The following FHOD3 variants were observed in gnomAD, a reference collection of about 807,000 sequenced individuals.
FHOD3 encodes formin homology 2 domain containing 3.
In FHOD3, 90 loss-of-function variants were observed where a neutral mutation model predicts 173.0. The ratio of observed to expected loss-of-function variants is 0.52; its 90% CI spans 0.44 to 0.62. FHOD3 has a LOEUF of 0.62. Among genes scored for constraint, FHOD3 ranks in the 20% least tolerant of loss-of-function variants. The probability of loss-of-function intolerance (pLI) is 0.00; values close to 1 mark genes in which losing one functional copy is unlikely to be tolerated. For missense variants in FHOD3, 1,945 were observed against 2,034.7 expected, an observed-to-expected ratio of 0.96 and a Z score of 0.85; for synonymous variants, 828 against 823.0, an observed-to-expected ratio of 1.01 and a Z score of -0.10.
chr18:36,532,678 T>C (rs920246227), intron 5 of FHOD3, among the ~76,000 whole-genome samples: 6 of 152,194 alleles, frequency 3.9e-5, no homozygotes, highest in African/African-American at 1.4e-4. Flanking sequence ...AGTTACCACG[T>C]GTTGTTCCAC....
chr18:36,601,978 C>G (rs2031450062), intron 7 of FHOD3, among the ~76,000 whole-genome samples: 1 of 152,170 alleles, frequency 6.6e-6, no homozygotes, highest in Admixed American at 6.5e-5. Context: ...TGTGCCAAGT[C>G]CCCTGCAGTC....
intron 3 of FHOD3, among the ~76,000 whole-genome samples, chr18:36,463,644 C>T (rs2052724937): frequency 6.6e-6 from 1 of 151,896 alleles, no homozygotes; most frequent in South Asian, 2.1e-4. Context: ...TACAGGTGTG[C>T]ACCACCATGC....
chr18:36,404,014 T>C (rs2048943492), intron 3 of FHOD3, among the ~76,000 whole-genome samples: 1 of 151,952 alleles, frequency 6.6e-6, no homozygotes. Context: ...AGCAGGGAGG[T>C]TTTGATATCC....
chr18:36,406,368 C>T (rs2049066527), intron 3 of FHOD3, among the ~76,000 whole-genome samples: 1 of 152,160 alleles, frequency 6.6e-6, no homozygotes, highest in African/African-American at 2.4e-5. Context: ...TTTTTGAGAG[C>T]TAGATTTTAT....
intron 3 of FHOD3, among the ~76,000 whole-genome samples, chr18:36,469,243 G>A (rs1178176981): frequency 1.3e-5 from 2 of 152,192 alleles, no homozygotes; most frequent in African/African-American, 4.8e-5. Flanking sequence ...CTCAGGGCCA[G>A]ATGATTACTG....
At chr18:36,579,169 G>T (rs1220813358) in intron 6 of FHOD3, among the ~76,000 whole-genome samples, 1 of 152,128 alleles carries the variant, frequency 6.6e-6, no homozygotes, top group Non-Finnish European at 1.5e-5. Context: ...TTTGGAACCT[G>T]CTCCCTCCCC....
chr18:36,520,943 GGT>G (rs1403592346), intron 5 of FHOD3, among the ~76,000 whole-genome samples: 1 of 152,188 alleles, frequency 6.6e-6, no homozygotes, highest in Non-Finnish European at 1.5e-5. Flanking sequence ...CTGCTGGCTA[GGT>G]GTGCCTTGAA....
chr18:36,625,012 T>C (rs565906595), intron 9 of FHOD3, among the ~76,000 whole-genome samples: 2 of 152,296 alleles, frequency 1.3e-5, no homozygotes, highest in African/African-American at 2.4e-5. Context: ...GAAAGATTTA[T>C]GGGTGAGGCC....
intron 28 of FHOD3, among the ~76,000 whole-genome samples, chr18:36,769,830 GC>G (rs1463349735): frequency 2.5e-4 from 38 of 152,134 alleles, no homozygotes; most frequent in Non-Finnish European, 5.9e-5. Flanking sequence ...CGCTTGTGGG[GC>G]TGGAGACTGG....
chr18:36,328,363 TGG>T (rs2044785882), intron 1 of FHOD3, among the ~76,000 whole-genome samples: 1 of 151,218 alleles, frequency 6.6e-6, no homozygotes, highest in South Asian at 2.1e-4. Flanking sequence ...GCTTTCTGGG[TGG>T]GGGGAACAGC....
At chr18:36,360,172 G>C (rs998036370) in intron 2 of FHOD3, among the ~76,000 whole-genome samples, 2 of 152,200 alleles carry the variant, frequency 1.3e-5, no homozygotes, top group Non-Finnish European at 2.9e-5. Context: ...AAGCCCTGGA[G>C]GATATGGTGG....
rs552912518 is a variant in FHOD3, at chr18:36,505,949, AC to A, written c.405+3952del. On this transcript the variant is annotated intron_variant, in intron 4 of 28. Coordinates refer to ENST00000590592, the MANE Select transcript of FHOD3 (RefSeq NM_001281740.3). Reference sequence around the variant, plus strand: ...ACTATTTTAAAAGAGTGCATTTCTTACCATTCCATTATTATGCTAACAAAAA... The same window carrying A: ...ACTATTTTAAAAGAGTGCATTTCTTACATTCCATTATTATGCTAACAAAAA... Among the ~76,000 whole-genome samples, 356 of 152,340 alleles carry A rather than the reference AC, an allele frequency of 2.3e-3. 2 individuals carry two copies. Among genetic ancestry groups the A allele is most frequent in the African/African-American group, 8.4e-3 (348 of 41,590 alleles).
chr18:36,700,704 C>T (rs62083165), intron 17 of FHOD3, among the ~76,000 whole-genome samples: 188 of 152,292 alleles, frequency 1.2e-3, no homozygotes, highest in South Asian at 3.3e-3. Flanking sequence ...TTAAAATTAT[C>T]GGGTGGCTCT....
At chr18:36,382,364 A>T (rs2047834543) in intron 3 of FHOD3, among the ~76,000 whole-genome samples, 1 of 152,200 alleles carries the variant, frequency 6.6e-6, no homozygotes, top group Non-Finnish European at 1.5e-5. Flanking sequence ...TCGAGGCCCA[A>T]TAACGAGAAG....
intron 10 of FHOD3, among the ~76,000 whole-genome samples, chr18:36,645,252 C>T (rs962123413): frequency 3.3e-5 from 5 of 152,084 alleles, no homozygotes; most frequent in African/African-American, 1.2e-4. Context: ...AAAAACTCAT[C>T]TCTACTAAAA....
chr18:36,516,910 T>A (rs2056015618), intron 5 of FHOD3, among the ~76,000 whole-genome samples: 1 of 152,082 alleles, frequency 6.6e-6, no homozygotes, highest in African/African-American at 2.4e-5. Flanking sequence ...CAAAAGCATG[T>A]GGAGAATCCA....
At chr18:36,675,287 TCTC>T in intron 14 of FHOD3, among the ~76,000 whole-genome samples, 1 of 152,042 alleles carries the variant, frequency 6.6e-6, no homozygotes, top group African/African-American at 2.4e-5. Flanking sequence ...TTCCACGTGG[TCTC>T]CTCTGTTCCT....
rs7243126 is a variant in FHOD3, at chr18:36,664,165, A to G, written c.1835+5977A>G. Among the ~76,000 whole-genome samples, 506 of 152,348 alleles carry G rather than the reference A, an allele frequency of 3.3e-3. 3 individuals are homozygous for G. Among genetic ancestry groups the G allele is most frequent in the African/African-American group, 0.012 (483 of 41,580 alleles). On this transcript the variant is annotated intron_variant, in intron 14 of 28. Transcript: ENST00000590592. The stretch of plus-strand genomic sequence containing the variant: ...TTTAAAAAAATTAAATTGGTTGATT[A>G]AAGTACATTTTTAAAAAACAAACTT...
chr18:36,493,038 A>G (rs374295694), intron 3 of FHOD3, among the ~76,000 whole-genome samples: 10 of 152,188 alleles, frequency 6.6e-5, no homozygotes, highest in South Asian at 2.1e-4. Context: ...GCCAGCATCT[A>G]TGGTACCTCT....
Sources: gnomAD v4.1 joint callset for allele counts (sites outside exome capture counted in the v4.1 genomes callset) on GRCh38, gnomAD v4.1.1 for gene constraint, MANE v1.5 for transcripts, NCBI Gene and HGNC (gene_info 2026-07-23, HGNC 2026-07-21) for gene names.